NLRP4: variants seen among roughly 807,000 people sequenced by gnomAD.
The protein encoded by NLRP4 is NLR family pyrin domain containing 4.
Under a neutral mutation model 84.7 loss-of-function variants are expected in NLRP4, and 44 were observed. The observed-to-expected ratio is 0.52, with a 90% CI of 0.41 to 0.67. The LOEUF (loss-of-function observed/expected upper bound fraction) is 0.67. Among genes scored for constraint, NLRP4 ranks in the 30% least tolerant of loss-of-function variants. The pLI, the probability that NLRP4 is intolerant of heterozygous loss-of-function variation, is 0.00. For synonymous variants in NLRP4, 544 were observed against 476.4 expected (o/e 1.14, Z -1.85); for missense variants, 1,260 against 1,219.4 (o/e 1.03, Z -0.50).
chr19:55,875,618 T>G (rs773550535), intron 7 of NLRP4, among the ~76,000 whole-genome samples: 2 of 152,226 alleles, frequency 1.3e-5, no homozygotes, highest in Non-Finnish European at 2.9e-5. Context: ...TTTGCTTTCA[T>G]GAAATCCCAG....
At chr19:55,874,730 C>T (rs370074827) in intron 7 of NLRP4, among the ~76,000 whole-genome samples, 1 of 152,138 alleles carries the variant, frequency 6.6e-6, no homozygotes, top group Admixed American at 6.6e-5. Flanking sequence ...AGGAGAAACT[C>T]CCCACCATTT....
chr19:55,842,959 C>T (rs1311178922), intron 1 of NLRP4, among the ~76,000 whole-genome samples: 1 of 152,066 alleles, frequency 6.6e-6, no homozygotes, highest in Non-Finnish European at 1.5e-5. Context: ...TGGGGTTTCA[C>T]CGTGTTAGCC....
rs972113332 is a variant in NLRP4 at position 55,858,029 on chromosome 19, CG to C, written c.637del (p.Ala213LeufsTer4). 3.7e-6 allele frequency: 6 copies of C among 1,614,038 alleles called. No individual in the cohort carries two copies. Among genetic ancestry groups the C allele is most frequent in the African/African-American group, 1.3e-5 (1 of 74,912 alleles). ...DLISREWPDPAAPITEIVSQP... is the reference protein window; with the variant it reads ...DLISREWPDPXAPITEIVSQP... ...TGATTTCCAGAGAGTGGCCTGACCC[CG>C]CTGCTCCTATAACAGAGATCGTGTC... On this transcript the variant is annotated frameshift_variant, in exon 3 of 10. Transcript: ENST00000301295. LOFTEE classifies it high-confidence loss of function. This position sits in a 1 kb window ranked among gnomAD's most constrained non-coding sequence, Gnocchi z 4.2.
intron 1 of NLRP4, among the ~76,000 whole-genome samples, chr19:55,843,520 GTC>G (rs768308068): frequency 1.3e-5 from 2 of 151,826 alleles, no homozygotes; most frequent in Non-Finnish European, 2.9e-5. Context: ...GTGAAACCCT[GTC>G]TCTACTAAAA....
In NLRP4 at chr19:55,858,464, A is replaced by G. The variant is rs1490614103; in HGVS notation, c.1071A>G (p.Lys357=). 6.2e-7 allele frequency: 1 copy of G among 1,614,164 alleles called. No homozygotes were observed. The highest frequency in any genetic ancestry group is 1.7e-5 in the Admixed American group (1 of 60,024). Residue 357 remains lysine, a synonymous_variant, in exon 3 of 10, where the codon AAA becomes AAG. Coordinates refer to ENST00000301295, the MANE Select transcript of NLRP4 (RefSeq NM_134444.5). The surrounding 1 kb of genome is among the most constrained non-coding windows in gnomAD (Gnocchi z 4.2). ...LCTSLKQEMQ[K]GKDLALTCQS... ...CCAGTCTGAAGCAAGAGATGCAGAAAGGAAAAGACCTGGCCCTGACCTGCC... is the reference window on the plus strand; with the variant it reads ...CCAGTCTGAAGCAAGAGATGCAGAAGGGAAAAGACCTGGCCCTGACCTGCC...
rs1984613619 is a variant in NLRP4, at chr19:55,859,193, G to A, written c.1800G>A (p.Arg600=). The change falls in exon 3 of 10, where the codon AGG becomes AGA. Residue 600 remains arginine (R), a synonymous_variant. Transcript: ENST00000301295. The part of the protein sequence containing the change: ...AYCLKYCSSL[R]KLCFSVQNVF... Reference sequence around the variant, plus strand: ...GCTTAAAATACTGCTCCAGCTTGAGGAAACTCTGTTTTTCCGTTCAAAATG... The same window carrying A: ...GCTTAAAATACTGCTCCAGCTTGAGAAAACTCTGTTTTTCCGTTCAAAATG... 1 of 1,609,536 alleles carries A rather than the reference G, an allele frequency of 6.2e-7. No individual in the cohort carries two copies.
At chr19:55,871,896 C>A (rs923031360) in intron 7 of NLRP4, among the ~76,000 whole-genome samples, 2 of 151,152 alleles carry the variant, frequency 1.3e-5, no homozygotes, top group Non-Finnish European at 2.9e-5. Context: ...TCAGCCCACG[C>A]TGAAGTACAG....
At chr19:55,849,889 C>CGTAGCT in intron 1 of NLRP4, among the ~76,000 whole-genome samples, 1 of 10,786 alleles carries the variant, frequency 9.3e-5, no homozygotes, top group African/African-American at 5.6e-4. Flanking sequence ...GTGTAATTTC[C>CGTAGCT]GTGGCCGGCG....
intron 2 of NLRP4, among the ~76,000 whole-genome samples, chr19:55,854,316 C>T (rs1199288730): frequency 1.3e-5 from 2 of 152,064 alleles, no homozygotes; most frequent in African/African-American, 2.4e-5. Context: ...ATGCAGTTTG[C>T]CTTTTTCACA....
chr19:55,878,867 C>T lies in NLRP4; in HGVS notation c.2770C>T (p.Gln924Ter), dbSNP rs761854186. 1.9e-6 allele frequency: 3 copies of T among 1,613,928 alleles called. No homozygotes were observed. The highest frequency in any genetic ancestry group is 1.1e-5 in the South Asian group (1 of 91,060). ...ASVLTCSKTL[Q>*]QLNLTLNTLD... ...TGTTCTCACCTGCAGTAAGACCCTG[C>T]AGCAGCTCAACCTGACCTTGAACAC... The change falls in exon 9 of 10, where the codon CAG (glutamine) becomes TAG (stop). Residue 924 changes from glutamine (Q) to a stop codon, truncating the protein, a stop_gained. Transcript: ENST00000301295. LOFTEE classifies it high-confidence loss of function.
chr19:55,854,620 T>C (rs1475711100), intron 2 of NLRP4, among the ~76,000 whole-genome samples: 1 of 152,230 alleles, frequency 6.6e-6, no homozygotes, highest in East Asian at 1.9e-4. Context: ...AATAATTGGT[T>C]TGAAATAAAA....
At chr19:55,874,401 C>T (rs113632080) in intron 7 of NLRP4, among the ~76,000 whole-genome samples, 1 of 149,034 alleles carries the variant, frequency 6.7e-6, no homozygotes, top group African/African-American at 2.6e-5. Flanking sequence ...TCAGTGGTCA[C>T]ACGTGGCTGG....
chr19:55,839,817 A>G lies in NLRP4; in HGVS notation c.-66+2883A>G, dbSNP rs182585654. ...TTGCTTTTTATCTAAATGTATAATT[A>G]GTTTATGAATTTTCAACCTTCCTTA... is the stretch of plus-strand genomic sequence containing the variant. On this transcript the variant is annotated intron_variant, in intron 1 of 9. Transcript: ENST00000301295. Among the ~76,000 whole-genome samples, 42 of 152,234 alleles carry G rather than the reference A, an allele frequency of 2.8e-4. 1 individual carries two copies. In the East Asian group the frequency reaches 5.4e-3, roughly 20 times the overall value.
chr19:55,879,598 A>G (rs764151837), intron 9 of NLRP4, among the ~76,000 whole-genome samples: 10 of 152,226 alleles, frequency 6.6e-5, no homozygotes, highest in South Asian at 6.2e-4. Flanking sequence ...TGGTGCTTCC[A>G]TGGTGAACAG....
chr19:55,870,656 T>A (rs1985139614), intron 6 of NLRP4, among the ~76,000 whole-genome samples, 171 bp from the exon 7 acceptor site: 2 of 152,144 alleles, frequency 1.3e-5, no homozygotes, highest in Non-Finnish European at 2.9e-5. Context: ...ACAGCAAAAC[T>A]CCATCTCAAA....
At chr19:55,850,492 AGGCTGCGGTGTAATGTCCGT>A (rs1984048603) in intron 1 of NLRP4, among the ~76,000 whole-genome samples, 2 of 26,190 alleles carry the variant, frequency 7.6e-5, no homozygotes, top group Non-Finnish European at 1.2e-4. Flanking sequence ...GTAATTTCCG[AGGCTGCGGTGTAATGTCCGT>A]GGCTGCGGTG....
intron 2 of NLRP4, among the ~76,000 whole-genome samples, 193 bp downstream of exon 2, chr19:55,852,553 C>T (rs962323692): frequency 4.6e-5 from 7 of 151,006 alleles, no homozygotes; most frequent in African/African-American, 7.3e-5. Flanking sequence ...CTTGGCTCAC[C>T]GCAACCTCCA....
Position 55,858,071 on chromosome 19 carries a change from C to G in NLRP4, c.678C>G (p.Leu226=). The change falls in exon 3 of 10, where the codon CTC becomes CTG. Residue 226 remains leucine (L), a synonymous_variant. Coordinates refer to ENST00000301295, the MANE Select transcript of NLRP4 (RefSeq NM_134444.5). This position sits in a 1 kb window ranked among gnomAD's most constrained non-coding sequence, Gnocchi z 4.2. The part of the protein sequence containing the change: ...ITEIVSQPER[L]LFVIDSFEEL... Reference sequence around the variant, plus strand: ...AGATCGTGTCTCAACCGGAGAGACTCTTGTTCGTCATCGACAGCTTCGAAG... The same window carrying G: ...AGATCGTGTCTCAACCGGAGAGACTGTTGTTCGTCATCGACAGCTTCGAAG... 3 of 1,614,208 alleles carry G rather than the reference C, an allele frequency of 1.9e-6. No homozygotes were observed. Among genetic ancestry groups the G allele is most frequent in the Non-Finnish European group, 2.5e-6 (3 of 1,180,036 alleles).
At chr19:55,868,260 T>C (rs1985039122) in intron 6 of NLRP4, among the ~76,000 whole-genome samples, 1 of 152,114 alleles carries the variant, frequency 6.6e-6, no homozygotes, top group Non-Finnish European at 1.5e-5. Context: ...CTCAGGACAG[T>C]AGCGGGGAAA....
Sources: gnomAD v4.1 joint callset for allele counts (sites outside exome capture counted in the v4.1 genomes callset) on GRCh38, gnomAD v4.1.1 for gene constraint, Gnocchi (gnomAD v3.1) non-coding constraint, MANE v1.5 for transcripts, NCBI Gene and HGNC (gene_info 2026-07-23, HGNC 2026-07-21) for gene names.